Variants in HIP1R observed in about 807,000 individuals in gnomAD.
HIP1R encodes the protein huntingtin-interacting protein 1-related protein.
A neutral mutation model predicts 144.2 loss-of-function variants in HIP1R; 135 were observed. That is an observed-to-expected ratio of 0.94 (90% CI 0.81 to 1.08). The LOEUF (loss-of-function observed/expected upper bound fraction) is 1.08. HIP1R is among the 50% of genes least tolerant of loss of function. The probability of loss-of-function intolerance (pLI) is 0.00; values close to 1 mark genes in which losing one functional copy is unlikely to be tolerated. For synonymous variants in HIP1R, 698 were observed against 612.8 expected (o/e 1.14, Z -2.05); for missense variants, 1,462 against 1,432.8 (o/e 1.02, Z -0.33).
In HIP1R at chr12:122,861,446, C is replaced by T. The variant is rs759987847; in HGVS notation, c.3091C>T (p.Arg1031Ter). 77 of 1,613,376 alleles carry T rather than the reference C, an allele frequency of 4.8e-5. No homozygotes were observed. The highest frequency in any genetic ancestry group is 9.3e-5 in the African/African-American group (7 of 74,898). Residue 1031 changes from arginine to a stop codon, truncating the protein, a stop_gained, in exon 31 of 32, where the codon CGA (arginine) becomes TGA (stop). Transcript: ENST00000253083. LOFTEE classifies it high-confidence loss of function. ...EVAIRPSTAP[R>*]SVTTKKPPLA... The stretch of plus-strand genomic sequence containing the variant: ...GGCCATCCGGCCCAGCACTGCCCCC[C>T]GAAGTGTAACCACCAAGAAACCACC...
chr12:122,859,872 C>G (rs756656753), intron 24 of HIP1R, 42 bp downstream of exon 24: 1 of 1,584,360 alleles, frequency 6.3e-7, no homozygotes, highest in South Asian at 1.1e-5. Context: ...CCGAGGTGGG[C>G]TCCCCGTGGC....
Position 122,859,824 on chromosome 12 carries a change from ACGAGAGGTGAG to A in HIP1R, c.2461_2465+6del, listed in dbSNP as rs1555263773. Reference sequence around the variant, plus strand: ...AGCTCGGGGGTGAAGCTGGAGGTGAACGAGAGGTGAGCCCCCCTTCTGTCCCCCCAGGCCCA... The same window carrying A: ...AGCTCGGGGGTGAAGCTGGAGGTGAACCCCCCTTCTGTCCCCCCAGGCCCA... On this transcript the variant is annotated splice_donor_variant and splice_donor_5th_base_variant and coding_sequence_variant and intron_variant, in exon 24 of 32. Transcript: ENST00000253083. LOFTEE classifies it high-confidence loss of function. 1 of 1,612,304 alleles carries A rather than the reference ACGAGAGGTGAG, an allele frequency of 6.2e-7. No homozygotes were observed. Among genetic ancestry groups the A allele is most frequent in the Non-Finnish European group, 8.5e-7 (1 of 1,179,646 alleles).
upstream of HIP1R, among the ~76,000 whole-genome samples, chr12:122,835,214 G>C (rs1380890035): frequency 8.5e-6 from 1 of 117,652 alleles, no homozygotes; most frequent in Non-Finnish European, 1.8e-5. Context: ...CGGGGGGCGG[G>C]GCGTGTGCCG....
chr12:122,835,623 G>C lies in HIP1R; in HGVS notation c.73G>C (p.Glu25Gln). The part of the protein sequence containing the change: ...RPGHSLEAER[E>Q]QFDKTQAISI... ...GGGCCACAGCCTGGAGGCCGAGCGC[G>C]AGCAGTTCGACAAGACCCAGGCGAG... Residue 25 changes from glutamate (E) to glutamine (Q), a missense_variant, in exon 1 of 32, where the codon GAG becomes CAG. This residue lies in a region of HIP1R where 350 missense variants were observed against 421.1 expected (regional missense o/e 0.83). Coordinates refer to ENST00000253083, the MANE Select transcript of HIP1R (RefSeq NM_003959.3). The C allele has an allele frequency of 2.3e-6, 3 of 1,298,252 alleles. No homozygotes were observed. In the South Asian group the frequency reaches 5.7e-5, roughly 25 times the overall value. 80.4% of individuals were successfully genotyped at this position (1,298,252 alleles called of 1,614,324 possible).
chr12:122,857,936 G>A (rs1566113256), intron 18 of HIP1R, 166 bp from the exon 19 acceptor site: 2 of 513,688 alleles, frequency 3.9e-6, no homozygotes, highest in East Asian at 6.0e-5. Context: ...TTTTATTCTT[G>A]AGCTGTGCAC....
rs1227833256 is a variant in HIP1R, at chr12:122,857,218, A to G, written c.1815+3A>G. On this transcript the variant is annotated splice_donor_region_variant and intron_variant, in intron 18 of 31. Transcript: ENST00000253083. ...TGCAGGGCCGGCTGGCAGAGAGGGT[A>G]TGGCCTCCCCAGATGCAGCAGCACC... 2.6e-6 allele frequency: 4 copies of G among 1,550,122 alleles called. No homozygotes were observed. Among genetic ancestry groups the G allele is most frequent in the Middle Eastern group, 1.7e-4 (1 of 5,992 alleles).
rs992330342 is a variant in HIP1R at position 122,855,818 on chromosome 12, C to T, written c.1056-13C>T. On this transcript the variant is annotated splice_polypyrimidine_tract_variant and intron_variant, in intron 12 of 31. Transcript: ENST00000253083. The stretch of plus-strand genomic sequence containing the variant: ...GGTTGACTTAACTTGAACCCCAGGA[C>T]CTCTGTCCCCAGGGACCTCCAGATT... 3 of 1,557,930 alleles carry T rather than the reference C, an allele frequency of 1.9e-6. No individual in the cohort carries two copies. The African/African-American group carries it at 4.1e-5, about 21-fold the overall frequency.
chr12:122,835,083 C>CCCCT, upstream of HIP1R: 1 of 1,056,922 alleles, frequency 9.5e-7, no homozygotes, highest in Non-Finnish European at 1.3e-6. Context: ...GGAGGGGTTC[C>CCCCT]CCCTCCCCCT....
Position 122,861,118 on chromosome 12 carries a change from C to CCTCCGGCCACAGACACCATGGATTT in HIP1R, c.2891-4_2911dup. On this transcript the variant is annotated splice_polypyrimidine_tract_variant and intron_variant, in intron 29 of 31. Transcript: ENST00000253083. ...GGTGCCCAGATGTTCACCCCCTTGT[C>CCTCCGGCCACAGACACCATGGATTT]CTCCGGCCACAGACACCATGGATTT... is the stretch of plus-strand genomic sequence containing the variant. 6.2e-7 allele frequency: 1 copy of CCTCCGGCCACAGACACCATGGATTT among 1,613,448 alleles called. No homozygotes were observed. Among genetic ancestry groups the CCTCCGGCCACAGACACCATGGATTT allele is most frequent in the Non-Finnish European group, 8.5e-7 (1 of 1,179,992 alleles).
chr12:122,859,855 G>T, intron 24 of HIP1R, 25 bp downstream of exon 24: 1 of 1,607,658 alleles, frequency 6.2e-7, no homozygotes, highest in Non-Finnish European at 8.5e-7. Flanking sequence ...TGTCCCCCCA[G>T]GCCCAGCCGA....
intron 1 of HIP1R, among the ~76,000 whole-genome samples, chr12:122,837,037 T>C (rs2032918323): frequency 6.6e-6 from 1 of 152,214 alleles, no homozygotes; most frequent in African/African-American, 2.4e-5. Flanking sequence ...CATAATTAAT[T>C]GTGCCAAGAA....
Position 122,854,141 on chromosome 12 carries a change from C to A in HIP1R, c.676C>A (p.Leu226Ile). 6.2e-7 allele frequency: 1 copy of A among 1,613,910 alleles called. No homozygotes were observed. Among genetic ancestry groups the A allele is most frequent in the South Asian group, 1.1e-5 (1 of 91,070 alleles). The change falls in exon 8 of 32, where the codon CTC (leucine) becomes ATC (isoleucine). Residue 226 changes from leucine (L) to isoleucine (I), a missense_variant. Leu to Ile is a conservative substitution (Grantham distance 5). Coordinates refer to ENST00000253083, the MANE Select transcript of HIP1R (RefSeq NM_003959.3). ...CCAGGTCATCCAGGACTGCAGCCAC[C>A]TCTACCACTACACGGTCAAGCTCCT... ...LIQVIQDCSHLYHYTVKLLFK... is the reference protein window; with the variant it reads ...LIQVIQDCSHIYHYTVKLLFK...
At position 122,860,073 on chromosome 12, in the gene HIP1R, T is replaced by A. The variant is rs2033722065; in HGVS notation, c.2492T>A (p.Met831Lys). The A allele has an allele frequency of 6.3e-7, 1 of 1,574,850 alleles. No homozygotes were observed. The highest frequency in any genetic ancestry group is 1.3e-5 in the African/African-American group (1 of 74,076). The change falls in exon 25 of 32, where the codon ATG (methionine) becomes AAG (lysine). Residue 831 changes from methionine to lysine, a missense_variant. Transcript: ENST00000253083. ...ATCCTCAACTCCTGCACAGACCTGA[T>A]GAAGGTGAGGGGCTGTGACCCGGGG... Reference protein sequence around the residue: ...ERILNSCTDLMKAIRLLVTTS... With the variant: ...ERILNSCTDLKKAIRLLVTTS...
intron 7 of HIP1R, 91 bp downstream of exon 7, chr12:122,851,388 G>A (rs753421789): frequency 1.9e-6 from 2 of 1,078,460 alleles, no homozygotes; most frequent in Non-Finnish European, 2.6e-6. Flanking sequence ...TGAGTGATCA[G>A]ACCAACTGAT....
chr12:122,857,905 C>A, intron 18 of HIP1R, 197 bp from the exon 19 acceptor site: 1 of 448,736 alleles, frequency 2.2e-6, no homozygotes, highest in Non-Finnish European at 3.9e-6. Context: ...ACCTTGAGCT[C>A]ACGTTTTAAT....
In HIP1R at chr12:122,859,138, C is replaced by A. The variant is rs760394973; in HGVS notation, c.2236C>A (p.Arg746=). 2 of 1,589,078 alleles carry A rather than the reference C, an allele frequency of 1.3e-6. No individual in the cohort carries two copies. Among genetic ancestry groups the A allele is most frequent in the East Asian group, 2.3e-5 (1 of 43,528 alleles). The change falls in exon 22 of 32, where the codon CGG becomes AGG. Residue 746 remains arginine, a synonymous_variant. Transcript: ENST00000253083. ...MGQLQDQQAL[R]HMQASLVRTP... ...GCAGCTGCAGGACCAGCAGGCTCTG[C>A]GGCACATGCAGGCCAGCCTGGTGCG...
At chr12:122,859,879 T>A (rs922353565) in intron 24 of HIP1R, 49 bp downstream of exon 24, 2 of 1,576,272 alleles carry the variant, frequency 1.3e-6, no homozygotes, top group African/African-American at 2.7e-5. Context: ...GGGCTCCCCG[T>A]GGCCCCTAAG....
intron 23 of HIP1R, 21 bp from the exon 24 acceptor site, chr12:122,859,751 C>G (rs369589488): frequency 5.6e-6 from 9 of 1,610,236 alleles, no homozygotes; most frequent in South Asian, 5.5e-5. Flanking sequence ...AGCCAGCTCA[C>G]GGCTCTGTTC....
chr12:122,835,660 CGGCGGGCGGCGGGCGGCGGCG>C lies in HIP1R; in HGVS notation c.93+27_93+47del, dbSNP rs1223294231. ...AAGACCCAGGCGAGCGGGCGGCGGG[CGGCGGGCGGCGGGCGGCGGCG>C]GGCGGGCGGGCAAGCGGCGTCCCTG... On this transcript the variant is annotated intron_variant, in intron 1 of 31. Transcript: ENST00000253083. 3.6e-5 allele frequency: 32 copies of C among 884,510 alleles called. No homozygotes were observed. The East Asian group carries it at 3.3e-3, about 91-fold the overall frequency. The allele number at this position is 884,510 out of a possible 1,614,324, so 54.8% of individuals were successfully genotyped here.
Sources: gnomAD v4.1 joint callset for allele counts (sites outside exome capture counted in the v4.1 genomes callset) on GRCh38, gnomAD v4.1.1 for gene constraint, gnomAD v4.1.1 regional missense constraint, MANE v1.5 for transcripts, NCBI Gene and HGNC (gene_info 2026-07-23, HGNC 2026-07-21) for gene names.